The following NYNRIN variants were observed in gnomAD, a reference collection of about 807,000 sequenced individuals.
The protein encoded by NYNRIN is NYN domain and retroviral integrase containing.
A neutral mutation model predicts 146.6 loss-of-function variants in NYNRIN; 86 were observed. The ratio of observed to expected loss-of-function variants is 0.59; its 90% CI spans 0.49 to 0.70. NYNRIN has a LOEUF of 0.70. Among genes scored for constraint, NYNRIN ranks in the 30% least tolerant of loss-of-function variants. The pLI, the probability that NYNRIN is intolerant of heterozygous loss-of-function variation, is 0.00. For synonymous variants in NYNRIN, 1,027 were observed against 1,001.3 expected (o/e 1.03, Z -0.48); for missense variants, 2,191 against 2,377.7 (o/e 0.92, Z 1.63).
chr14:24,403,544 C>T (rs1466188594), intron 2 of NYNRIN, among the ~76,000 whole-genome samples: 1 of 152,218 alleles, frequency 6.6e-6, no homozygotes, highest in East Asian at 1.9e-4. Flanking sequence ...GGTGCAGCAG[C>T]AAAGTGTATG....
Position 24,411,154 on chromosome 14 carries a change from G to A in NYNRIN, c.2493G>A (p.Glu831=), listed in dbSNP as rs894708288. The part of the protein sequence containing the change: ...VQFFWNRGHR[E]VTVFVPTWQL... ...TTTTCTGGAACCGGGGACACCGAGAGGTCACTGTGTTTGTACCCACCTGGC... is the reference window on the plus strand; with the variant it reads ...TTTTCTGGAACCGGGGACACCGAGAAGTCACTGTGTTTGTACCCACCTGGC... The change falls in exon 5 of 9, where the codon GAG becomes GAA. Residue 831 remains glutamate, a synonymous_variant. Coordinates refer to ENST00000382554, the MANE Select transcript of NYNRIN (RefSeq NM_025081.3). This position sits in a 1 kb window ranked among gnomAD's most constrained non-coding sequence, Gnocchi z 4.3. 6.2e-7 allele frequency: 1 copy of A among 1,609,646 alleles called. No individual in the cohort carries two copies. Among genetic ancestry groups the A allele is most frequent in the Non-Finnish European group, 8.5e-7 (1 of 1,177,872 alleles).
Position 24,407,335 on chromosome 14 carries a change from C to T in NYNRIN, c.199-534C>T, listed in dbSNP as rs1478506246. On this transcript the variant is annotated intron_variant, in intron 2 of 8. Transcript: ENST00000382554. The stretch of plus-strand genomic sequence containing the variant: ...CAATGAGGCAGGAACTATTACTGTT[C>T]CCATTTTACAGAGGAGGAACTGCAG... Among the ~76,000 whole-genome samples, 3 of 152,152 alleles carry T rather than the reference C, an allele frequency of 2.0e-5. No individual in the cohort carries two copies. In the East Asian group the frequency reaches 5.8e-4, roughly 29 times the overall value.
rs781624995 is a variant in NYNRIN, at chr14:24,399,344, G to C, written c.98G>C (p.Arg33Pro). Residue 33 changes from arginine (R) to proline (P), a missense_variant, in exon 2 of 9, where the codon CGC becomes CCC. Arg to Pro is a moderately radical substitution (Grantham distance 103). Transcript: ENST00000382554. Reference sequence around the variant, plus strand: ...CAGCGGCAGCGGCTGCAAGTGCAGCGCATCTTTAGGGTCAAGCTGAACGCC... The same window carrying C: ...CAGCGGCAGCGGCTGCAAGTGCAGCCCATCTTTAGGGTCAAGCTGAACGCC... Reference protein sequence around the residue: ...RVQRQRLQVQRIFRVKLNAFQ... With the variant: ...RVQRQRLQVQPIFRVKLNAFQ... 3 of 1,613,800 alleles carry C rather than the reference G, an allele frequency of 1.9e-6. No homozygotes were observed. Among genetic ancestry groups the C allele is most frequent in the Admixed American group, 1.7e-5 (1 of 60,012 alleles).
At position 24,413,392 on chromosome 14, in the gene NYNRIN, G is replaced by T; in HGVS notation, c.2821G>T (p.Asp941Tyr). ...CCTGGGCCGTGATGGCCCCACCTTGGATGAGTTTCTGAAGAAGCCAAACAG... is the reference window on the plus strand; with the variant it reads ...CCTGGGCCGTGATGGCCCCACCTTGTATGAGTTTCTGAAGAAGCCAAACAG... Reference protein sequence around the residue: ...DPLGRDGPTLDEFLKKPNRLD... With the variant: ...DPLGRDGPTLYEFLKKPNRLD... Residue 941 changes from aspartate to tyrosine, a missense_variant, in exon 8 of 9, where the codon GAT becomes TAT. Transcript: ENST00000382554. 1 of 1,612,846 alleles carries T rather than the reference G, an allele frequency of 6.2e-7. No individual in the cohort carries two copies. The highest frequency in any genetic ancestry group is 8.5e-7 in the Non-Finnish European group (1 of 1,179,378).
At chr14:24,405,640 A>T (rs2042871483) in intron 2 of NYNRIN, among the ~76,000 whole-genome samples, 1 of 152,136 alleles carries the variant, frequency 6.6e-6, no homozygotes, top group Admixed American at 6.5e-5. Flanking sequence ...AAGACCCCCG[A>T]CTGTGGAGCT....
intron 2 of NYNRIN, 83 bp from the exon 3 acceptor site, chr14:24,407,786 G>C (rs1246292807): frequency 2.0e-5 from 26 of 1,328,308 alleles, no homozygotes; most frequent in Non-Finnish European, 6.2e-6. Flanking sequence ...TTAGTGAGGG[G>C]CTGGCCTTTT....
At chr14:24,407,501 T>C (rs2042881789) in intron 2 of NYNRIN, among the ~76,000 whole-genome samples, 1 of 152,196 alleles carries the variant, frequency 6.6e-6, no homozygotes, top group Non-Finnish European at 1.5e-5. Flanking sequence ...GGACTAGACC[T>C]CAGGAGCATC....
rs1250512409 is a variant in NYNRIN at position 24,409,373 on chromosome 14, G to A, written c.1579G>A (p.Gly527Arg). 9 of 1,614,042 alleles carry A rather than the reference G, an allele frequency of 5.6e-6. No individual in the cohort carries two copies. The East Asian group carries it at 1.8e-4, about 32-fold the overall frequency. ...AGGGCAAGGGAAGCCCGTGGCTCAA[G>A]GGGGGCTGACAGATCAGTCAGTACC... ...PTGQGKPVAQ[G>R]GLTDQSVPGA... The change falls in exon 4 of 9, where the codon GGG (glycine) becomes AGG (arginine). Residue 527 changes from glycine (G) to arginine (R), a missense_variant. By Grantham distance (125) the Gly-to-Arg change is moderately radical. Transcript: ENST00000382554.
In NYNRIN at chr14:24,414,607, A is replaced by G; in HGVS notation, c.2858A>G (p.Asp953Gly). Reference protein sequence around the residue: ...FLKKPNRLDTDIGNFLKVWKT... With the variant: ...FLKKPNRLDTGIGNFLKVWKT... ...CTGTTTTGGTGTAGGTTGGACACTG[A>G]CATTGGCAACTTCCTGAAGGTGTGG... The change falls in exon 9 of 9, where the codon GAC (aspartate) becomes GGC (glycine). Residue 953 changes from aspartate (D) to glycine (G), a missense_variant. By Grantham distance (94) the Asp-to-Gly change is moderately conservative. Transcript: ENST00000382554. 6.2e-7 allele frequency: 1 copy of G among 1,611,118 alleles called. No individual in the cohort carries two copies. The highest frequency in any genetic ancestry group is 8.5e-7 in the Non-Finnish European group (1 of 1,177,974).
chr14:24,408,826 C>G lies in NYNRIN; in HGVS notation c.1032C>G (p.Cys344Trp). 2 of 1,613,982 alleles carry G rather than the reference C, an allele frequency of 1.2e-6. No individual in the cohort carries two copies. The highest frequency in any genetic ancestry group is 1.7e-6 in the Non-Finnish European group (2 of 1,179,870). ...CTCCAGTATCAGCCCTGGGTGTGTG[C>G]CCACCCTGGAAGGCCTGGACCCCGG... ...FQPPVSALGV[C>W]PPWKAWTPGP... The change falls in exon 4 of 9, where the codon TGC becomes TGG. Residue 344 changes from cysteine to tryptophan, a missense_variant. Around this residue, in one of 3 missense-constraint regions of NYNRIN, gnomAD observed 895 missense variants for 941.2 expected, o/e 0.95. Coordinates refer to ENST00000382554, the MANE Select transcript of NYNRIN (RefSeq NM_025081.3).
rs766332432 is a variant in NYNRIN at position 24,415,704 on chromosome 14, C to T, written c.3955C>T (p.Arg1319Cys). 14 of 1,613,818 alleles carry T rather than the reference C, an allele frequency of 8.7e-6. No homozygotes were observed. The highest frequency in any genetic ancestry group is 1.3e-5 in the African/African-American group (1 of 74,946). ...CCACATGTCGGGCTACTGCTTCTACCGTGAGGATGAGTGGTGTGCTGGCTT... is the reference window on the plus strand; with the variant it reads ...CCACATGTCGGGCTACTGCTTCTACTGTGAGGATGAGTGGTGTGCTGGCTT... ...CIHMSGYCFY[R>C]EDEWCAGFGL... The change falls in exon 9 of 9, where the codon CGT (arginine) becomes TGT (cysteine). Residue 1319 changes from arginine (R) to cysteine (C), a missense_variant. Arg to Cys is a radical substitution (Grantham distance 180, BLOSUM62 -3). Transcript: ENST00000382554.
rs1439978928 is a variant in NYNRIN at position 24,411,463 on chromosome 14, C to T, written c.2642+13C>T. ...CCTACGATTATAGGTGTGCCGGTCC[C>T]CAGGCCTGCCCTCCTGGGCTCAGGG... On this transcript the variant is annotated intron_variant, in intron 6 of 8. Coordinates refer to ENST00000382554, the MANE Select transcript of NYNRIN (RefSeq NM_025081.3). This position sits in a 1 kb window ranked among gnomAD's most constrained non-coding sequence, Gnocchi z 4.3. The T allele has an allele frequency of 6.2e-7, 1 of 1,609,974 alleles. No homozygotes were observed. The highest frequency in any genetic ancestry group is 8.5e-7 in the Non-Finnish European group (1 of 1,176,242).
At chr14:24,400,157 A>T (rs111642590) in intron 2 of NYNRIN, among the ~76,000 whole-genome samples, 48 of 152,178 alleles carry the variant, frequency 3.2e-4, no homozygotes, top group Non-Finnish European at 6.0e-4. Context: ...CCAGATTCCC[A>T]GCCCTTGGAG....
In NYNRIN at chr14:24,409,715, A is replaced by C. The variant is rs145306004; in HGVS notation, c.1921A>C (p.Lys641Gln). ...PVAKTSPAGP[K>Q]TPKAQAGPAA... ...AGCAAAAACATCACCTGCAGGTCCC[A>C]AAACACCCAAAGCTCAAGCCGGGCC... is the stretch of plus-strand genomic sequence containing the variant. Residue 641 changes from lysine to glutamine, a missense_variant, in exon 4 of 9, where the codon AAA becomes CAA. Transcript: ENST00000382554. 6,730 of 1,606,782 alleles carry C rather than the reference A, an allele frequency of 4.2e-3. 35 individuals carry two copies. The highest frequency in any genetic ancestry group is 4.4e-3 in the Non-Finnish European group (5,166 of 1,176,622).
In NYNRIN at chr14:24,408,250, C is replaced by T. The variant is rs751312331; in HGVS notation, c.580C>T (p.Arg194Trp). 16 of 1,608,876 alleles carry T rather than the reference C, an allele frequency of 9.9e-6. No individual in the cohort carries two copies. Among genetic ancestry groups the T allele is most frequent in the Middle Eastern group, 1.6e-4 (1 of 6,082 alleles). The change falls in exon 3 of 9, where the codon CGG becomes TGG. Residue 194 changes from arginine to tryptophan, a missense_variant. By Grantham distance (101) the Arg-to-Trp change is moderately radical. Transcript: ENST00000382554. ...AVQELLLSLV[R>W]DAAGKEDIIE... ...CCAGGAGCTGCTGCTGAGCCTGGTG[C>T]GGGATGCTGCGGGCAAGGAAGACAT...
At chr14:24,404,104 C>G (rs976684977) in intron 2 of NYNRIN, among the ~76,000 whole-genome samples, 1 of 152,226 alleles carries the variant, frequency 6.6e-6, no homozygotes, top group African/African-American at 2.4e-5. Flanking sequence ...TCTGGACACT[C>G]ATGTTCCTCA....
Position 24,415,426 on chromosome 14 carries a change from C to T in NYNRIN, c.3677C>T (p.Thr1226Ile). The change falls in exon 9 of 9, where the codon ACC (threonine) becomes ATC (isoleucine). Residue 1226 changes from threonine (T) to isoleucine (I), a missense_variant. Thr to Ile is a moderately conservative substitution (Grantham distance 89). Transcript: ENST00000382554. ...LKHFSRCIGD[T>I]PVVLDLSYAS... ...CATTTTTCCCGCTGCATTGGAGACACCCCGGTGGTCCTGGACCTTTCCTAT... is the reference window on the plus strand; with the variant it reads ...CATTTTTCCCGCTGCATTGGAGACATCCCGGTGGTCCTGGACCTTTCCTAT... The T allele has an allele frequency of 6.2e-7, 1 of 1,613,980 alleles. No individual in the cohort carries two copies. Among genetic ancestry groups the T allele is most frequent in the Non-Finnish European group, 8.5e-7 (1 of 1,179,892 alleles).
At position 24,416,442 on chromosome 14, in the gene NYNRIN, A is replaced by C. The variant is rs779603320; in HGVS notation, c.4693A>C (p.Lys1565Gln). The change falls in exon 9 of 9, where the codon AAG (lysine) becomes CAG (glutamine). Residue 1565 changes from lysine to glutamine, a missense_variant. Coordinates refer to ENST00000382554, the MANE Select transcript of NYNRIN (RefSeq NM_025081.3). ...CCAGAGGCCCGAAGAGACCTACAAG[A>C]AGTTGCGTTTGCTGGGGTGGTGGCC... ...AHQRPEETYK[K>Q]LRLLGWWPGM... 2 of 1,613,080 alleles carry C rather than the reference A, an allele frequency of 1.2e-6. No individual in the cohort carries two copies. The highest frequency in any genetic ancestry group is 1.7e-6 in the Non-Finnish European group (2 of 1,179,576).
At position 24,416,424 on chromosome 14, in the gene NYNRIN, C is replaced by G. The variant is rs764115157; in HGVS notation, c.4675C>G (p.Pro1559Ala). Residue 1559 changes from proline (P) to alanine (A), a missense_variant, in exon 9 of 9, where the codon CCC becomes GCC. Coordinates refer to ENST00000382554, the MANE Select transcript of NYNRIN (RefSeq NM_025081.3). ...HDIPLGAHQR[P>A]EETYKKLRLL... Reference sequence around the variant, plus strand: ...CATTCCCTTGGGGGCCCACCAGAGGCCCGAAGAGACCTACAAGAAGTTGCG... The same window carrying G: ...CATTCCCTTGGGGGCCCACCAGAGGGCCGAAGAGACCTACAAGAAGTTGCG... The G allele has an allele frequency of 6.8e-6, 11 of 1,612,790 alleles. No homozygotes were observed. The highest frequency in any genetic ancestry group is 9.3e-6 in the Non-Finnish European group (11 of 1,179,428).
Sources: allele counts gnomAD v4.1 joint callset (sites outside exome capture counted in the v4.1 genomes callset), GRCh38; gene constraint gnomAD v4.1.1; regional missense constraint gnomAD v4.1.1; non-coding constraint Gnocchi (gnomAD v3.1); transcripts MANE v1.5; gene names NCBI Gene and HGNC (gene_info 2026-07-23, HGNC 2026-07-21).